Variants in ABHD14B observed in about 807,000 individuals in gnomAD.
ABHD14B encodes putative protein-lysine deacylase ABHD14B.
In ABHD14B, 19 loss-of-function variants were observed where a neutral mutation model predicts 15.4. That is an observed-to-expected ratio of 1.23 (90% CI 0.86 to 1.81). ABHD14B has a LOEUF of 1.81. ABHD14B is among the 40% of genes most tolerant of loss of function. The probability of loss-of-function intolerance (pLI) is 0.00; values close to 1 mark genes in which losing one functional copy is unlikely to be tolerated. For synonymous variants in ABHD14B, 92 were observed against 117.3 expected (o/e 0.78, Z 1.39); for missense variants, 243 against 267.0 (o/e 0.91, Z 0.63).
chr3:51,972,946 C>T lies in ABHD14B; in HGVS notation c.-29+1019G>A, dbSNP rs1027406577. Among the ~76,000 whole-genome samples, 44 of 152,032 alleles carry T rather than the reference C, an allele frequency of 2.9e-4. 1 individual carries two copies. The highest frequency in any genetic ancestry group is 2.9e-3 in the Admixed American group (44 of 15,262). On this transcript the variant is annotated intron_variant, in intron 1 of 3. Transcript: ENST00000361143. Reference sequence around the variant, plus strand: ...AGAATGGAGTGCAGTGGCATGATCTCGGCTCACTGCAACCTCCACCTCCTG... The same window carrying T: ...AGAATGGAGTGCAGTGGCATGATCTTGGCTCACTGCAACCTCCACCTCCTG...
chr3:51,969,294 G>T lies in ABHD14B; in HGVS notation c.*132C>A, dbSNP rs1577707414. The T allele has an allele frequency of 9.4e-7, 1 of 1,063,274 alleles. No individual in the cohort carries two copies. 65.9% of individuals were successfully genotyped at this position (1,063,274 alleles called of 1,614,324 possible). On this transcript the variant is annotated 3_prime_UTR_variant, in exon 4 of 4. Coordinates refer to ENST00000361143, the MANE Select transcript of ABHD14B (RefSeq NM_001146314.2). ...TAGAAAAGACAAACAGACCACAAAA[G>T]ACAAGAACCCAGACATATAGACAGA...
intron 3 of ABHD14B, 40 bp from the exon 4 acceptor site, chr3:51,969,645 G>C (rs772224848): frequency 6.3e-7 from 1 of 1,579,130 alleles, no homozygotes. Flanking sequence ...AGTCAACAGG[G>C]ACCTGCCATA....
In ABHD14B at chr3:51,970,100, GC is replaced by G; in HGVS notation, c.295del (p.Ala99ProfsTer9). The G allele has an allele frequency of 6.3e-7, 1 of 1,595,960 alleles. No individual in the cohort carries two copies. The highest frequency in any genetic ancestry group is 8.6e-7 in the Non-Finnish European group (1 of 1,169,580). On this transcript the variant is annotated frameshift_variant, in exon 3 of 4. Coordinates refer to ENST00000361143, the MANE Select transcript of ABHD14B (RefSeq NM_001146314.2). LOFTEE classifies it high-confidence loss of function. ...PGSFLAAVVD[A>X]LELGPPVVIS... The stretch of plus-strand genomic sequence containing the variant: ...CACAACCGGGGGGCCCAGCTCCAAG[GC>G]ATCCACCACAGCCGCCAGGAAGCTG...
At chr3:51,971,247 G>T in intron 2 of ABHD14B, 1 of 537,268 alleles carries the variant, frequency 1.9e-6, no homozygotes. Context: ...GGAGCAGCTG[G>T]GCGGTGAGGA....
chr3:51,974,039 G>A lies in ABHD14B; in HGVS notation c.-103C>T, dbSNP rs1330627920. The A allele has an allele frequency of 7.8e-7, 1 of 1,288,104 alleles. No homozygotes were observed. Among genetic ancestry groups the A allele is most frequent in the African/African-American group, 1.5e-5 (1 of 65,924 alleles). The allele number at this position is 1,288,104 out of a possible 1,614,324, so 79.8% of individuals were successfully genotyped here. A position where few individuals can be genotyped will look rare whatever the true frequency, so the allele number is the denominator to read the frequency against. ...GGTGACCTGGGGCCGGAGGAGGAAC[G>A]CTGGGAAGAGGCCGGGCCCCATCCA... On this transcript the variant is annotated 5_prime_UTR_variant, in exon 1 of 4. Coordinates refer to ENST00000361143, the MANE Select transcript of ABHD14B (RefSeq NM_001146314.2).
At position 51,969,996 on chromosome 3, in the gene ABHD14B, C is replaced by T. The variant is rs757439017; in HGVS notation, c.400G>A (p.Val134Met). The change falls in exon 3 of 4, where the codon GTG becomes ATG. Residue 134 changes from valine (V) to methionine (M), a missense_variant. By Grantham distance (21) the Val-to-Met change is conservative. Coordinates refer to ENST00000361143, the MANE Select transcript of ABHD14B (RefSeq NM_001146314.2). ...ATTTTGTCAGTGCAGATGGGGGCCA[C>T]TGGCACAAAGCCCGGGAGCTGGGAG... ...PGSQLPGFVP[V>M]APICTDKINA... 46 of 1,614,092 alleles carry T rather than the reference C, an allele frequency of 2.8e-5. No homozygotes were observed. The highest frequency in any genetic ancestry group is 3.6e-5 in the Non-Finnish European group (43 of 1,180,040).
chr3:51,974,028 G>A lies in ABHD14B; in HGVS notation c.-92C>T, dbSNP rs1165793759. 2 of 1,288,564 alleles carry A rather than the reference G, an allele frequency of 1.6e-6. No homozygotes were observed. Among genetic ancestry groups the A allele is most frequent in the Non-Finnish European group, 2.0e-6 (2 of 988,804 alleles). 79.8% of individuals were successfully genotyped at this position (1,288,564 alleles called of 1,614,324 possible). On this transcript the variant is annotated 5_prime_UTR_variant, in exon 1 of 4. Coordinates refer to ENST00000361143, the MANE Select transcript of ABHD14B (RefSeq NM_001146314.2). ...CGCGTGCTGGCGGTGACCTGGGGCC[G>A]GAGGAGGAACGCTGGGAAGAGGCCG...
At chr3:51,972,400 C>T (rs894596586) in intron 1 of ABHD14B, among the ~76,000 whole-genome samples, 1 of 151,164 alleles carries the variant, frequency 6.6e-6, no homozygotes, top group Non-Finnish European at 1.5e-5. Flanking sequence ...AGAAAGAAAC[C>T]CCATCTCTAC....
At chr3:51,973,395 G>A (rs1362490222) in intron 1 of ABHD14B, among the ~76,000 whole-genome samples, 1 of 149,468 alleles carries the variant, frequency 6.7e-6, no homozygotes, top group East Asian at 2.0e-4. Flanking sequence ...CATGTTGGCC[G>A]AGCTGGTCCG....
At chr3:51,973,508 T>TTTTTTTTTTTTTC (rs1292913807) in intron 1 of ABHD14B, among the ~76,000 whole-genome samples, 2,985 of 145,620 alleles carry the variant, frequency 0.02, 105 homozygotes, top group African/African-American at 0.074. Flanking sequence ...TTCTTCGGTT[T>TTTTTTTTTTTTTC]TTTTTTTTTT....
chr3:51,969,833 C>T (rs778675759), intron 3 of ABHD14B, 110 bp downstream of exon 3: 1 of 1,589,262 alleles, frequency 6.3e-7, no homozygotes, highest in South Asian at 1.1e-5. Flanking sequence ...GGGTGGTCAG[C>T]TCCTCCCAGA....
Position 51,969,265 on chromosome 3 carries a change from G to A in ABHD14B, c.*161C>T. The A allele has an allele frequency of 1.3e-6, 1 of 761,758 alleles. No individual in the cohort carries two copies. The highest frequency in any genetic ancestry group is 2.1e-6 in the Non-Finnish European group (1 of 483,790). The allele number at this position is 761,758 out of a possible 1,614,324, so 47.2% of individuals were successfully genotyped here. On this transcript the variant is annotated 3_prime_UTR_variant, in exon 4 of 4. Coordinates refer to ENST00000361143, the MANE Select transcript of ABHD14B (RefSeq NM_001146314.2). ...CCTCAGTCTATCACTGCAAGAGAAA[G>A]AGGTAGAAAAGACAAACAGACCACA...
intron 2 of ABHD14B, chr3:51,970,853 AC>A (rs1700639956): frequency 2.2e-6 from 1 of 454,754 alleles, no homozygotes; most frequent in African/African-American, 2.0e-5. Flanking sequence ...CACACCTGGC[AC>A]CGAGGGTTGG....
chr3:51,971,478 C>T lies in ABHD14B; in HGVS notation c.193G>A (p.Val65Met), dbSNP rs1700652406. 4 of 1,591,944 alleles carry T rather than the reference C, an allele frequency of 2.5e-6. No individual in the cohort carries two copies. The highest frequency in any genetic ancestry group is 1.7e-4 in the Middle Eastern group (1 of 5,918). The change falls in exon 2 of 4, where the codon GTG (valine) becomes ATG (methionine). Residue 65 changes from valine (V) to methionine (M), a missense_variant. Coordinates refer to ENST00000361143, the MANE Select transcript of ABHD14B (RefSeq NM_001146314.2). ...TAAGTACCTGGCAGGTCAATGGCCA[C>T]AGCCCGGTAGCCAGCCTGGGCCAGC... ...HRLAQAGYRAVAIDLPGLGHS... is the reference protein window; with the variant it reads ...HRLAQAGYRAMAIDLPGLGHS...
Position 51,971,488 on chromosome 3 carries a change from G to GCCAGCCTGGGCCAGCTGTGTAC in ABHD14B, c.182_183insGTACACAGCTGGCCCAGGCTGG (p.Arg63ThrfsTer13). 6.3e-7 allele frequency: 1 copy of GCCAGCCTGGGCCAGCTGTGTAC among 1,599,872 alleles called. No individual in the cohort carries two copies. The highest frequency in any genetic ancestry group is 8.5e-7 in the Non-Finnish European group (1 of 1,171,782). ...GCAGGTCAATGGCCACAGCCCGGTA[G>GCCAGCCTGGGCCAGCTGTGTAC]CCAGCCTGGGCCAGCCTGTGCAGTG... On this transcript the variant is annotated frameshift_variant, in exon 2 of 4. Coordinates refer to ENST00000361143, the MANE Select transcript of ABHD14B (RefSeq NM_001146314.2). LOFTEE classifies it high-confidence loss of function.
chr3:51,973,268 T>C (rs1395388275), intron 1 of ABHD14B, among the ~76,000 whole-genome samples: 1 of 151,548 alleles, frequency 6.6e-6, no homozygotes, highest in African/African-American at 2.4e-5. Context: ...GCCAGGGTGG[T>C]CTCGATCTCC....
chr3:51,969,212 C>T lies in ABHD14B; in HGVS notation c.*214G>A. 3 of 506,150 alleles carry T rather than the reference C, an allele frequency of 5.9e-6. No individual in the cohort carries two copies. The highest frequency in any genetic ancestry group is 1.0e-5 in the Non-Finnish European group (3 of 291,654). The allele number at this position is 506,150 out of a possible 1,614,324, so 31.4% of individuals were successfully genotyped here. A position where few individuals can be genotyped will look rare whatever the true frequency, so the allele number is the denominator to read the frequency against. ...TCCACAGGATTATGTTCCTTGATTC[C>T]TGAGAGTTTTTTCTCTTGATTTTAC... On this transcript the variant is annotated 3_prime_UTR_variant, in exon 4 of 4. Transcript: ENST00000361143.
intron 1 of ABHD14B, among the ~76,000 whole-genome samples, chr3:51,973,259 C>T (rs1700694119): frequency 6.6e-6 from 1 of 151,284 alleles, no homozygotes. Flanking sequence ...GCCGTGTTAG[C>T]CAGGGTGGTC....
chr3:51,971,981 AC>A (rs1700663566), intron 1 of ABHD14B: 1 of 411,062 alleles, frequency 2.4e-6, no homozygotes, highest in African/African-American at 2.1e-5. Flanking sequence ...ATGGTGGCTC[AC>A]GCCTGTAATC....
Sources: allele counts gnomAD v4.1 joint callset (sites outside exome capture counted in the v4.1 genomes callset), GRCh38; gene constraint gnomAD v4.1.1; transcripts MANE v1.5; gene names NCBI Gene and HGNC (gene_info 2026-07-23, HGNC 2026-07-21).